Variants in SLC24A3 observed in about 807,000 individuals in gnomAD.
SLC24A3 encodes the protein solute carrier family 24 member 3.
SLC24A3 carries 28 observed loss-of-function variants against 75.8 expected under a neutral mutation model. The observed-to-expected ratio is 0.37, with a 90% CI of 0.27 to 0.51. The LOEUF is 0.51. Ranked by LOEUF, SLC24A3 falls within the 20% of genes least tolerant of loss-of-function variation. The probability of loss-of-function intolerance (pLI) is 0.94; values close to 1 mark genes in which losing one functional copy is unlikely to be tolerated. For synonymous variants in SLC24A3, 372 were observed against 334.1 expected (o/e 1.11, Z -1.24); for missense variants, 663 against 847.8 (o/e 0.78, Z 2.71).
intron 2 of SLC24A3, among the ~76,000 whole-genome samples, chr20:19,459,837 T>G (rs760223613): frequency 2.0e-5 from 3 of 152,178 alleles, no homozygotes; most frequent in Non-Finnish European, 4.4e-5. Context: ...AAGGCTGAGA[T>G]GGCAAATGGC....
chr20:19,604,928 A>G (rs1207814005), intron 6 of SLC24A3, among the ~76,000 whole-genome samples: 1 of 151,984 alleles, frequency 6.6e-6, no homozygotes, highest in East Asian at 1.9e-4. Flanking sequence ...TCCTTTTTCC[A>G]CAGGCTGTCA....
chr20:19,325,795 T>TATATATATATAGAGAG (rs1251419875), intron 2 of SLC24A3, among the ~76,000 whole-genome samples: 2 of 67,782 alleles, frequency 3.0e-5, no homozygotes, highest in Non-Finnish European at 5.6e-5. Flanking sequence ...TATATATATA[T>TATATATATATAGAGAG]AGAGAGAGAG....
intron 6 of SLC24A3, among the ~76,000 whole-genome samples, chr20:19,643,653 A>T (rs2032100564): frequency 6.6e-6 from 1 of 152,238 alleles, no homozygotes; most frequent in Admixed American, 6.5e-5. Context: ...ATGTAATTTT[A>T]GGCAGGGTCT....
At chr20:19,681,280 G>A (rs2032612662) in intron 9 of SLC24A3, among the ~76,000 whole-genome samples, 1 of 152,122 alleles carries the variant, frequency 6.6e-6, no homozygotes, top group Admixed American at 6.5e-5. Flanking sequence ...TGAAACTTAG[G>A]CACGATAGTC....
intron 11 of SLC24A3, 93 bp from the exon 12 acceptor site, chr20:19,685,007 G>T: frequency 1.4e-6 from 2 of 1,470,194 alleles, no homozygotes; most frequent in East Asian, 2.3e-5. Context: ...CATATCGTCA[G>T]CTGCCAGGGA....
At chr20:19,595,169 C>G (rs1015352483) in intron 6 of SLC24A3, among the ~76,000 whole-genome samples, 2 of 152,160 alleles carry the variant, frequency 1.3e-5, no homozygotes, top group Non-Finnish European at 2.9e-5. Context: ...CATCCCCAAC[C>G]CTGGCAACAG....
At chr20:19,694,583 G>A (rs560727418) in intron 13 of SLC24A3, 33 of 152,216 alleles carry the variant, frequency 2.2e-4, no homozygotes, top group African/African-American at 7.2e-4. Flanking sequence ...TATGCACCAA[G>A]AGCCACCTCC....
intron 2 of SLC24A3, among the ~76,000 whole-genome samples, chr20:19,470,212 A>G (rs1023045797): frequency 2.0e-5 from 3 of 152,196 alleles, no homozygotes; most frequent in Admixed American, 6.5e-5. Context: ...TTTCTTTTCC[A>G]TCTGCTGTAC....
intron 2 of SLC24A3, among the ~76,000 whole-genome samples, chr20:19,344,339 A>T (rs1985340169): frequency 6.6e-6 from 1 of 152,186 alleles, no homozygotes; most frequent in South Asian, 2.1e-4. Flanking sequence ...ACTTGCGAGC[A>T]TTCTGAATCC....
At position 19,446,610 on chromosome 20, in the gene SLC24A3, T is replaced by C. The variant is rs73900157; in HGVS notation, c.272-68878T>C. On this transcript the variant is annotated intron_variant, in intron 2 of 16. Transcript: ENST00000328041. The stretch of plus-strand genomic sequence containing the variant: ...AGTGAATGTCAGAAAGGGAAAGTGC[T>C]CTTTATGTGACCTTGACTCATTCTT... Among the ~76,000 whole-genome samples, 470 of 152,308 alleles carry C rather than the reference T, an allele frequency of 3.1e-3. 5 individuals carry two copies. Among genetic ancestry groups the C allele is most frequent in the African/African-American group, 0.011 (450 of 41,574 alleles).
intron 3 of SLC24A3, among the ~76,000 whole-genome samples, chr20:19,556,356 G>C (rs1425060451): frequency 6.6e-6 from 1 of 152,048 alleles, no homozygotes; most frequent in African/African-American, 2.4e-5. Context: ...GGGAAAATCA[G>C]TCATGGTGTT....
rs368397109 is a variant in SLC24A3 at position 19,341,044 on chromosome 20, G to T, written c.271+59957G>T. 5.7e-4 allele frequency among the ~76,000 whole-genome samples: 87 copies of T among 152,296 alleles called. No individual in the cohort carries two copies. In the South Asian group the frequency reaches 9.8e-3, roughly 17 times the overall value. On this transcript the variant is annotated intron_variant, in intron 2 of 16. Transcript: ENST00000328041. Reference sequence around the variant, plus strand: ...GTAAGCTCTTCCCTCCTACCTGTAGGATGAGTGCACCAAGGTCTGGCTGGG... The same window carrying T: ...GTAAGCTCTTCCCTCCTACCTGTAGTATGAGTGCACCAAGGTCTGGCTGGG...
At chr20:19,453,180 G>GAAC (rs920207930) in intron 2 of SLC24A3, among the ~76,000 whole-genome samples, 13 of 151,532 alleles carry the variant, frequency 8.6e-5, no homozygotes, top group African/African-American at 2.7e-4. Context: ...ACTCTGCCTC[G>GAAC]AACAACAACA....
intron 7 of SLC24A3, among the ~76,000 whole-genome samples, chr20:19,654,486 C>G (rs1188030651): frequency 2.6e-5 from 4 of 151,860 alleles, no homozygotes; most frequent in Non-Finnish European, 5.9e-5. Flanking sequence ...GCCAGGACTC[C>G]CTGCCCTCCC....
chr20:19,501,597 A>G (rs1988386162), intron 2 of SLC24A3, among the ~76,000 whole-genome samples: 1 of 152,224 alleles, frequency 6.6e-6, no homozygotes, highest in Admixed American at 6.5e-5. Flanking sequence ...CTGGTTTCCA[A>G]TATCATTTTG....
intron 2 of SLC24A3, among the ~76,000 whole-genome samples, chr20:19,281,476 A>G (rs1172829350): frequency 2.6e-5 from 4 of 152,190 alleles, no homozygotes; most frequent in Non-Finnish European, 5.9e-5. Flanking sequence ...TTTCTATCAC[A>G]GTAGAGACAC....
chr20:19,523,507 C>T (rs2030141911), intron 3 of SLC24A3, among the ~76,000 whole-genome samples: 2 of 152,208 alleles, frequency 1.3e-5, no homozygotes, highest in African/African-American at 2.4e-5. Flanking sequence ...TGCCTCACCC[C>T]CTTGATCATG....
At chr20:19,364,027 T>C (rs1330033416) in intron 2 of SLC24A3, among the ~76,000 whole-genome samples, 1 of 152,092 alleles carries the variant, frequency 6.6e-6, no homozygotes, top group Non-Finnish European at 1.5e-5. Context: ...GATACAGTAA[T>C]GACCTTGCCC....
At chr20:19,269,327 G>A (rs184549552) in intron 1 of SLC24A3, among the ~76,000 whole-genome samples, 11 of 152,232 alleles carry the variant, frequency 7.2e-5, no homozygotes, top group Non-Finnish European at 1.5e-4. Flanking sequence ...ATTATCCTGG[G>A]GAGTGTTTCA....
Sources: allele counts gnomAD v4.1 joint callset (sites outside exome capture counted in the v4.1 genomes callset), GRCh38; gene constraint gnomAD v4.1.1; transcripts MANE v1.5; gene names NCBI Gene and HGNC (gene_info 2026-07-23, HGNC 2026-07-21).